The following RORA variants were observed in gnomAD, a reference collection of about 807,000 sequenced individuals.
RORA encodes the protein nuclear receptor ROR-alpha.
Under a neutral mutation model 69.5 loss-of-function variants are expected in RORA, and 7 were observed. The observed-to-expected ratio is 0.10, with a 90% CI of 0.06 to 0.19. The LOEUF (loss-of-function observed/expected upper bound fraction) is 0.19, where lower values mean the gene tolerates loss of function less well. Ranked by LOEUF, RORA falls within the 10% of genes least tolerant of loss-of-function variation. The pLI is 1.00. For missense variants in RORA, 457 were observed against 663.0 expected, an observed-to-expected ratio of 0.69 and a Z score of 3.41; for synonymous variants, 261 against 240.8, an observed-to-expected ratio of 1.08 and a Z score of -0.78.
chr15:60,655,395 G>A (rs2070205346), intron 2 of RORA, among the ~76,000 whole-genome samples: 1 of 152,136 alleles, frequency 6.6e-6, no homozygotes, highest in Non-Finnish European at 1.5e-5. Flanking sequence ...GCAAGTAAAG[G>A]AGACATAGGC....
chr15:61,156,087 C>T (rs947620340), intron 1 of RORA, among the ~76,000 whole-genome samples: 13 of 152,058 alleles, frequency 8.5e-5, no homozygotes, highest in African/African-American at 2.9e-4. Context: ...AAAAAAAAAT[C>T]TCATGATCTG....
chr15:61,078,163 A>C (rs978119452), intron 1 of RORA, among the ~76,000 whole-genome samples: 5 of 152,166 alleles, frequency 3.3e-5, no homozygotes, highest in African/African-American at 9.7e-5. Context: ...TTTATTTTTA[A>C]ATTAAAAACA....
intron 1 of RORA, among the ~76,000 whole-genome samples, chr15:60,884,835 A>C (rs1252693843): frequency 2.0e-5 from 3 of 152,150 alleles, no homozygotes. Context: ...CAGCCCCCAA[A>C]AGAGCACGGG....
At chr15:60,717,802 T>TC in intron 1 of RORA, among the ~76,000 whole-genome samples, 1 of 143,342 alleles carries the variant, frequency 7.0e-6, no homozygotes, top group African/African-American at 2.6e-5. Flanking sequence ...TTCTCTTTTT[T>TC]TTTTTTTTTT....
chr15:60,922,669 T>G (rs1482052), intron 1 of RORA, among the ~76,000 whole-genome samples: 115,816 of 152,152 alleles, frequency 0.76, 44,717 homozygotes, highest in East Asian at 0.93. Context: ...AATCACAGAG[T>G]CAATAGATAG....
chr15:61,046,170 G>A (rs1897011513), intron 1 of RORA, among the ~76,000 whole-genome samples: 1 of 152,182 alleles, frequency 6.6e-6, no homozygotes, highest in Non-Finnish European at 1.5e-5. Context: ...GGAAAGGAGG[G>A]CAGGGGAGGT....
At chr15:61,094,270 G>A (rs1480854996) in intron 1 of RORA, among the ~76,000 whole-genome samples, 2 of 152,176 alleles carry the variant, frequency 1.3e-5, no homozygotes, top group African/African-American at 2.4e-5. Context: ...AAGACCTATA[G>A]ATTTAAGAGG....
At chr15:60,625,817 G>C (rs1323181610) in intron 2 of RORA, among the ~76,000 whole-genome samples, 16 of 152,166 alleles carry the variant, frequency 1.1e-4, no homozygotes. Context: ...TGTGGCTAAG[G>C]CATAAGGCTT....
At chr15:60,870,560 G>A (rs1388256949) in intron 1 of RORA, among the ~76,000 whole-genome samples, 1 of 152,186 alleles carries the variant, frequency 6.6e-6, no homozygotes, top group Non-Finnish European at 1.5e-5. Context: ...TCTGTGGGAG[G>A]ATACATTAGA....
Position 60,822,432 on chromosome 15 carries a change from C to T in RORA, c.167-143746G>A, listed in dbSNP as rs140910267. Among the ~76,000 whole-genome samples, 54 of 152,306 alleles carry T rather than the reference C, an allele frequency of 3.5e-4. No individual in the cohort carries two copies. In the East Asian group the frequency reaches 4.8e-3, roughly 14 times the overall value. On this transcript the variant is annotated intron_variant, in intron 1 of 10. Coordinates refer to ENST00000335670, the MANE Select transcript of RORA (RefSeq NM_134261.3). ...CCAGGTCAGGTACAGACAGTCCAACCGTCCATGATTTAACCTCAGTGGAAA... is the reference window on the plus strand; with the variant it reads ...CCAGGTCAGGTACAGACAGTCCAACTGTCCATGATTTAACCTCAGTGGAAA...
At chr15:61,118,891 C>A (rs782933) in intron 1 of RORA, among the ~76,000 whole-genome samples, 35,712 of 151,960 alleles carry the variant, frequency 0.24, 5,544 homozygotes, top group African/African-American at 0.43. Context: ...AGGCTGAGTT[C>A]CTCTTGTCAT....
At chr15:61,224,108 G>C (rs1054445323) in intron 1 of RORA, among the ~76,000 whole-genome samples, 1 of 151,920 alleles carries the variant, frequency 6.6e-6, no homozygotes, top group Non-Finnish European at 1.5e-5. Flanking sequence ...ATTCAGAAAA[G>C]TATTCCAAAT....
chr15:60,952,266 A>G (rs1479103526), intron 1 of RORA, among the ~76,000 whole-genome samples: 8 of 152,204 alleles, frequency 5.3e-5, no homozygotes, highest in Middle Eastern at 3.4e-3. Flanking sequence ...ACTCTCAATA[A>G]ATTAGGTATT....
chr15:61,124,425 C>T (rs1300591317), intron 1 of RORA, among the ~76,000 whole-genome samples: 1 of 152,162 alleles, frequency 6.6e-6, no homozygotes, highest in Non-Finnish European at 1.5e-5. Flanking sequence ...AGCACCCTCT[C>T]TGCCCCTCTG....
intron 2 of RORA, among the ~76,000 whole-genome samples, chr15:60,563,809 G>A (rs183444050): frequency 3.9e-5 from 6 of 152,182 alleles, no homozygotes; most frequent in Non-Finnish European, 4.4e-5. Flanking sequence ...CATTCTTGGT[G>A]GTCATTGGAA....
In RORA at chr15:60,854,966, C is replaced by T. The variant is rs8025512; in HGVS notation, c.167-176280G>A. Reference sequence around the variant, plus strand: ...TTTCCTTCTAAAGTTCTGTGCCTGTCCCTGTTAAACAGGTCTGGAGAAGAT... The same window carrying T: ...TTTCCTTCTAAAGTTCTGTGCCTGTTCCTGTTAAACAGGTCTGGAGAAGAT... On this transcript the variant is annotated intron_variant, in intron 1 of 10. Coordinates refer to ENST00000335670, the MANE Select transcript of RORA (RefSeq NM_134261.3). Among the ~76,000 whole-genome samples the T allele has an allele frequency of 4.1e-3, 627 of 152,278 alleles. 4 individuals carry two copies. The highest frequency in any genetic ancestry group is 0.014 in the African/African-American group (599 of 41,564).
chr15:61,160,904 C>T (rs2079489101), intron 1 of RORA, among the ~76,000 whole-genome samples: 1 of 152,096 alleles, frequency 6.6e-6, no homozygotes, highest in South Asian at 2.1e-4. Context: ...CCATGGAAAT[C>T]TGGGAAGAAT....
In RORA at chr15:61,024,792, A is replaced by T. The variant is rs755137892; in HGVS notation, c.166+204261T>A. Among the ~76,000 whole-genome samples the T allele has an allele frequency of 4.0e-5, 6 of 151,340 alleles. No individual in the cohort carries two copies. The East Asian group carries it at 1.2e-3, about 30-fold the overall frequency. On this transcript the variant is annotated intron_variant, in intron 1 of 10. Transcript: ENST00000335670. ...TTTTTATAGAGATGGGAGTCTCCCAATGTTGCCCAGGCTGGTCCTGAGCTC... is the reference window on the plus strand; with the variant it reads ...TTTTTATAGAGATGGGAGTCTCCCATTGTTGCCCAGGCTGGTCCTGAGCTC...
At chr15:60,957,163 G>A (rs1893291855) in intron 1 of RORA, among the ~76,000 whole-genome samples, 1 of 152,188 alleles carries the variant, frequency 6.6e-6, no homozygotes, top group African/African-American at 2.4e-5. Flanking sequence ...GGAGACAGAC[G>A]GGTAGAATGA....
Sources: allele counts gnomAD v4.1 joint callset (sites outside exome capture counted in the v4.1 genomes callset), GRCh38; gene constraint gnomAD v4.1.1; transcripts MANE v1.5; gene names NCBI Gene and HGNC (gene_info 2026-07-23, HGNC 2026-07-21).